Variants in AJAP1 observed in about 807,000 individuals in gnomAD.
AJAP1 encodes the protein adherens junctions associated protein 1, also known as adherens junction-associated protein 1.
Under a neutral mutation model 35.0 loss-of-function variants are expected in AJAP1, and 5 were observed. The ratio of observed to expected loss-of-function variants is 0.14; its 90% CI spans 0.07 to 0.30. The LOEUF (loss-of-function observed/expected upper bound fraction) is 0.30, where lower values mean the gene tolerates loss of function less well. AJAP1 is among the 10% of genes least tolerant of loss of function. AJAP1 has a pLI of 1.00. For synonymous variants in AJAP1, 284 were observed against 249.3 expected (o/e 1.14, Z -1.31); for missense variants, 586 against 571.0 (o/e 1.03, Z -0.27).
At chr1:4,780,457 C>T (rs1483176699) in intron 5 of AJAP1, among the ~76,000 whole-genome samples, 2 of 152,108 alleles carry the variant, frequency 1.3e-5, no homozygotes, top group Non-Finnish European at 2.9e-5. Context: ...ATATTTCTCT[C>T]TGTGTTGTAA....
At chr1:4,660,062 G>A (rs758477006) in intron 1 of AJAP1, among the ~76,000 whole-genome samples, 5 of 152,218 alleles carry the variant, frequency 3.3e-5, no homozygotes, top group Non-Finnish European at 7.3e-5. Flanking sequence ...GTTCTGCAGC[G>A]GCAGACACGG....
intron 1 of AJAP1, among the ~76,000 whole-genome samples, chr1:4,690,289 A>G (rs1374349109): frequency 6.6e-6 from 1 of 151,866 alleles, no homozygotes; most frequent in Non-Finnish European, 1.5e-5. Flanking sequence ...GCTGCTGCCC[A>G]CCCTCCCACC....
At chr1:4,767,370 C>T (rs1256692029) in intron 2 of AJAP1, among the ~76,000 whole-genome samples, 2 of 152,054 alleles carry the variant, frequency 1.3e-5, no homozygotes, top group African/African-American at 4.8e-5. Context: ...CCATTATTAC[C>T]ATCGTCACCA....
rs563245735 is a variant in AJAP1 at position 4,770,902 on chromosome 1, G to A, written c.917+962G>A. On this transcript the variant is annotated intron_variant, in intron 3 of 5. Transcript: ENST00000378191. ...CACCTCCTGATAGGTAGCAAACTGG[G>A]ACCCCGGGCGTTTTCTGGAGACAGG... Among the ~76,000 whole-genome samples, 3 of 152,280 alleles carry A rather than the reference G, an allele frequency of 2.0e-5. No homozygotes were observed. In the South Asian group the frequency reaches 6.2e-4, roughly 32 times the overall value.
At chr1:4,780,478 AT>A (rs1259983607) in intron 5 of AJAP1, among the ~76,000 whole-genome samples, 1 of 152,128 alleles carries the variant, frequency 6.6e-6, no homozygotes, top group Admixed American at 6.5e-5. Flanking sequence ...TAATTACTTC[AT>A]TTTTTAAGCC....
intron 1 of AJAP1, among the ~76,000 whole-genome samples, chr1:4,659,110 T>C (rs998938163): frequency 2.0e-5 from 3 of 152,108 alleles, no homozygotes; most frequent in East Asian, 3.9e-4. Flanking sequence ...ATGAAGTAGG[T>C]AAACACAAAA....
At chr1:4,740,785 C>CAA (rs34897087) in intron 2 of AJAP1, among the ~76,000 whole-genome samples, 2,754 of 66,756 alleles carry the variant, frequency 0.041, 167 homozygotes, top group Middle Eastern at 0.081. Context: ...GACTCCGTCT[C>CAA]AAAAAAAAAA....
At position 4,774,526 on chromosome 1, in the gene AJAP1, G is replaced by A; in HGVS notation, c.*27G>A. The A allele has an allele frequency of 1.9e-6, 3 of 1,607,354 alleles. No homozygotes were observed. Among genetic ancestry groups the A allele is most frequent in the Non-Finnish European group, 2.6e-6 (3 of 1,174,280 alleles). Reference sequence around the variant, plus strand: ...TGGCCGAAGTCTTTTTTACCTCCTGGGGGCAGGGCAGACGCCGTGTGTCTG... The same window carrying A: ...TGGCCGAAGTCTTTTTTACCTCCTGAGGGCAGGGCAGACGCCGTGTGTCTG... On this transcript the variant is annotated 3_prime_UTR_variant, in exon 5 of 6. Coordinates refer to ENST00000378191, the MANE Select transcript of AJAP1 (RefSeq NM_018836.4).
chr1:4,756,875 A>G (rs1163026611), intron 2 of AJAP1, among the ~76,000 whole-genome samples: 5 of 152,022 alleles, frequency 3.3e-5, no homozygotes, highest in African/African-American at 1.2e-4. Flanking sequence ...GTCTTTGGGG[A>G]GGGTAGGGAG....
rs1482563451 is a variant in AJAP1 at position 4,783,481 on chromosome 1, A to G, written c.*996A>G. The stretch of plus-strand genomic sequence containing the variant: ...TTTATATATGTGTGTGTATATATAT[A>G]TATATATATATATATATATATATAT... On this transcript the variant is annotated 3_prime_UTR_variant, in exon 6 of 6. Transcript: ENST00000378191. 4.1e-5 allele frequency: 4 copies of G among 96,820 alleles called. No homozygotes were observed. Among genetic ancestry groups the G allele is most frequent in the East Asian group, 5.2e-4 (1 of 1,940 alleles). The allele number at this position is 96,820 out of a possible 1,614,324, so 6.0% of individuals were successfully genotyped here.
intron 3 of AJAP1, among the ~76,000 whole-genome samples, chr1:4,770,446 C>CTTT (rs1641809895): frequency 6.6e-6 from 1 of 152,306 alleles, no homozygotes; most frequent in East Asian, 1.9e-4. Context: ...GGCAGCCTGC[C>CTTT]TTTGCCTATT....
intron 1 of AJAP1, among the ~76,000 whole-genome samples, chr1:4,663,727 T>C (rs538329335): frequency 1.1e-5 from 1 of 88,842 alleles, no homozygotes; most frequent in South Asian, 3.2e-4. Context: ...GGGGAAAAGA[T>C]CTCAACTCTT....
chr1:4,703,706 AGGGGTT>A (rs1436556982), intron 1 of AJAP1, among the ~76,000 whole-genome samples: 2 of 152,226 alleles, frequency 1.3e-5, no homozygotes, highest in African/African-American at 4.8e-5. Context: ...TCCAAAGATC[AGGGGTT>A]GGGTATGGCC....
intron 2 of AJAP1, among the ~76,000 whole-genome samples, chr1:4,750,785 G>A (rs1389446020): frequency 6.6e-6 from 1 of 151,034 alleles, no homozygotes; most frequent in Non-Finnish European, 1.5e-5. Flanking sequence ...GGACCAGAGA[G>A]GAAGGGATCT....
intron 2 of AJAP1, among the ~76,000 whole-genome samples, chr1:4,760,376 T>C (rs938073711): frequency 6.6e-6 from 1 of 151,992 alleles, no homozygotes; most frequent in African/African-American, 2.4e-5. Flanking sequence ...TGTGTGTGTA[T>C]GTGAGTGTGT....
At chr1:4,685,366 G>T (rs1639581504) in intron 1 of AJAP1, among the ~76,000 whole-genome samples, 1 of 152,280 alleles carries the variant, frequency 6.6e-6, no homozygotes. Flanking sequence ...TCTCCACAGC[G>T]CTGAGCACAG....
intron 1 of AJAP1, among the ~76,000 whole-genome samples, chr1:4,676,564 TGA>T (rs1231972716): frequency 2.6e-5 from 4 of 152,094 alleles, no homozygotes; most frequent in Non-Finnish European, 5.9e-5. Context: ...CATGTGAGAC[TGA>T]GAGAGAGGGG....
intron 2 of AJAP1, among the ~76,000 whole-genome samples, chr1:4,725,366 C>T (rs1304501273): frequency 1.3e-5 from 2 of 152,110 alleles, no homozygotes; most frequent in Non-Finnish European, 2.9e-5. Context: ...AATCCCGCAT[C>T]TTCTCGTGCA....
chr1:4,666,697 CGCGGGAGGG>C (rs1570088455), intron 1 of AJAP1, among the ~76,000 whole-genome samples: 3 of 139,932 alleles, frequency 2.1e-5, no homozygotes, highest in East Asian at 2.2e-4. Flanking sequence ...GCCCAAGAAT[CGCGGGAGGG>C]GTGCGGAGAG....
Sources: allele counts gnomAD v4.1 joint callset (sites outside exome capture counted in the v4.1 genomes callset), GRCh38; gene constraint gnomAD v4.1.1; transcripts MANE v1.5; gene names NCBI Gene and HGNC (gene_info 2026-07-23, HGNC 2026-07-21).